The following CELF2 variants were observed in gnomAD, a reference collection of about 807,000 sequenced individuals.
CELF2 encodes the protein CUGBP Elav-like family member 2.
CELF2 carries 8 observed loss-of-function variants against 62.6 expected under a neutral mutation model. The ratio of observed to expected loss-of-function variants is 0.13; its 90% CI spans 0.07 to 0.23. The LOEUF is 0.23. CELF2 is among the 10% of genes least tolerant of loss of function. The probability of loss-of-function intolerance (pLI) is 1.00; values close to 1 mark genes in which losing one functional copy is unlikely to be tolerated. For missense variants in CELF2, 333 were observed against 671.0 expected (o/e 0.50, Z 5.56); for synonymous variants, 258 against 250.0 (o/e 1.03, Z -0.30).
intron 2 of CELF2, among the ~76,000 whole-genome samples, chr10:10,965,998 T>C (rs918198825): frequency 3.3e-5 from 5 of 152,186 alleles, no homozygotes; most frequent in Admixed American, 3.3e-4. Flanking sequence ...ACACAAAATA[T>C]TTCTAATATT....
At chr10:10,743,100 C>CTTTGGTA in the CELF2 span, among the ~76,000 whole-genome samples, 2 of 152,146 alleles carry the variant, frequency 1.3e-5, no homozygotes, top group East Asian at 3.8e-4. Context: ...ATATTAGATC[C>CTTTGGTA]CACAGAGTTT....
chr10:10,751,717 A>G, the CELF2 span, among the ~76,000 whole-genome samples: 1 of 152,238 alleles, frequency 6.6e-6, no homozygotes, highest in Non-Finnish European at 1.5e-5. Flanking sequence ...GAGGTGGATC[A>G]GCACAAATCT....
chr10:11,279,972 T>G (rs1416859493), intron 8 of CELF2, among the ~76,000 whole-genome samples: 3 of 152,178 alleles, frequency 2.0e-5, no homozygotes, highest in Non-Finnish European at 4.4e-5. Flanking sequence ...GAGGTGCCCA[T>G]CTGAGCAGAG....
intron 2 of CELF2, among the ~76,000 whole-genome samples, chr10:11,193,284 A>G (rs1270253435): frequency 6.6e-6 from 1 of 152,184 alleles, no homozygotes; most frequent in Non-Finnish European, 1.5e-5. Flanking sequence ...GCCAAATGCA[A>G]GAGGAGAAAG....
At chr10:10,693,880 C>T in the CELF2 span, among the ~76,000 whole-genome samples, 5,408 of 151,652 alleles carry the variant, frequency 0.036, 329 homozygotes, top group African/African-American at 0.12. Flanking sequence ...TTTTTTATTG[C>T]GTCTATTTCA....
intron 1 of CELF2, among the ~76,000 whole-genome samples, chr10:11,164,258 C>T (rs551112947): frequency 2.0e-5 from 3 of 152,124 alleles, no homozygotes; most frequent in South Asian, 2.1e-4. Context: ...ATATTTGGAG[C>T]GGGGGTAGGG....
the CELF2 span, among the ~76,000 whole-genome samples, chr10:10,635,263 T>C: frequency 2.0e-5 from 3 of 152,200 alleles, no homozygotes; most frequent in Admixed American, 2.0e-4. Flanking sequence ...TGTAAATTTT[T>C]AACAACTTAC....
chr10:11,299,876 G>A (rs1163602352), intron 9 of CELF2, among the ~76,000 whole-genome samples: 1 of 152,030 alleles, frequency 6.6e-6, no homozygotes, highest in East Asian at 1.9e-4. Context: ...GCCAGCTAAA[G>A]GGGAAGTATA....
chr10:10,582,599 A>G, the CELF2 span, among the ~76,000 whole-genome samples: 1 of 152,184 alleles, frequency 6.6e-6, no homozygotes, highest in African/African-American at 2.4e-5. Flanking sequence ...TGTAATGAGT[A>G]ATTTCCTCAG....
At chr10:10,582,928 A>T in the CELF2 span, among the ~76,000 whole-genome samples, 1 of 152,212 alleles carries the variant, frequency 6.6e-6, no homozygotes, top group Non-Finnish European at 1.5e-5. Flanking sequence ...AGGGCAGTCA[A>T]CTCACATCTG....
the CELF2 span, among the ~76,000 whole-genome samples, chr10:10,554,911 A>G: frequency 6.6e-6 from 1 of 152,220 alleles, no homozygotes; most frequent in African/African-American, 2.4e-5. Flanking sequence ...TGTTACAAAT[A>G]GCATTATACA....
chr10:11,240,957 C>A (rs1227077687), intron 3 of CELF2, among the ~76,000 whole-genome samples: 3 of 152,154 alleles, frequency 2.0e-5, no homozygotes, highest in Non-Finnish European at 2.9e-5. Flanking sequence ...AATCCCTGCT[C>A]TGCCACCTGC....
chr10:10,963,181 G>A (rs1044402617), intron 2 of CELF2, among the ~76,000 whole-genome samples: 3 of 151,984 alleles, frequency 2.0e-5, no homozygotes, highest in African/African-American at 7.3e-5. Flanking sequence ...AGCCTCCCGA[G>A]TAGCTGGGAT....
rs749440297 is a variant in CELF2, at chr10:11,318,967, A to G, written c.1097-2222A>G. On this transcript the variant is annotated intron_variant, in intron 10 of 12. Transcript: ENST00000633077. This position sits in a 1 kb window ranked among gnomAD's most constrained non-coding sequence, Gnocchi z 5.4. The stretch of plus-strand genomic sequence containing the variant: ...GTGGTGCGATGCTGCCCACCCCTCC[A>G]TGGGAACTTGGAGGCGTCCACTGGA... 1.5e-5 allele frequency: 7 copies of G among 470,984 alleles called. No homozygotes were observed. Among genetic ancestry groups the G allele is most frequent in the African/African-American group, 1.4e-4 (7 of 50,062 alleles). 29.2% of individuals were successfully genotyped at this position (470,984 alleles called of 1,614,324 possible).
chr10:10,541,299 A>G, the CELF2 span, among the ~76,000 whole-genome samples: 5,019 of 150,988 alleles, frequency 0.033, 291 homozygotes, highest in African/African-American at 0.12. Flanking sequence ...AAGATTGCTG[A>G]TGTCATATTG....
intron 2 of CELF2, among the ~76,000 whole-genome samples, chr10:11,210,147 C>T (rs868522097): frequency 5.7e-4 from 87 of 152,074 alleles, no homozygotes; most frequent in African/African-American, 2.1e-3. Context: ...GTCCTGAATT[C>T]GAATATAACT....
intron 1 of CELF2, among the ~76,000 whole-genome samples, chr10:11,163,479 AG>A (rs1433109118): frequency 6.6e-6 from 1 of 152,224 alleles, no homozygotes; most frequent in East Asian, 1.9e-4. Context: ...ACAGGGTTCA[AG>A]TGTTGATTGA....
the CELF2 span, among the ~76,000 whole-genome samples, chr10:10,741,804 T>C: frequency 6.6e-6 from 1 of 152,214 alleles, no homozygotes; most frequent in South Asian, 2.1e-4. Flanking sequence ...GGGAAGATAG[T>C]TTGAGACTAT....
At chr10:10,912,186 TCA>T (rs34055991) in intron 1 of CELF2, among the ~76,000 whole-genome samples, 12,350 of 152,180 alleles carry the variant, frequency 0.081, 1,069 homozygotes, top group African/African-American at 0.22. Context: ...AGTCACATAT[TCA>T]CAGAGTCACC....
Sources: gnomAD v4.1 joint callset for allele counts (sites outside exome capture counted in the v4.1 genomes callset) on GRCh38, gnomAD v4.1.1 for gene constraint, Gnocchi (gnomAD v3.1) non-coding constraint, MANE v1.5 for transcripts, NCBI Gene and HGNC (gene_info 2026-07-23, HGNC 2026-07-21) for gene names.